The following RNASEH2B variants were observed in gnomAD, a reference collection of about 807,000 sequenced individuals.
RNASEH2B encodes ribonuclease H2 subunit B.
RNASEH2B carries 36 observed loss-of-function variants against 45.0 expected under a neutral mutation model. The observed-to-expected ratio is 0.80, with a 90% CI of 0.61 to 1.06. The LOEUF (loss-of-function observed/expected upper bound fraction) is 1.06. RNASEH2B is among the 50% of genes least tolerant of loss of function. The pLI is 0.00. For synonymous variants in RNASEH2B, 119 were observed against 125.7 expected (o/e 0.95, Z 0.35); for missense variants, 361 against 360.3 (o/e 1.00, Z -0.02).
intron 9 of RNASEH2B, among the ~76,000 whole-genome samples, chr13:50,964,512 T>C (rs1371578215): frequency 6.6e-6 from 1 of 152,108 alleles, no homozygotes; most frequent in East Asian, 1.9e-4. Context: ...GCTCAAAAGA[T>C]GAGAGGAGGA....
At chr13:50,963,758 C>G (rs1350720193) in intron 9 of RNASEH2B, among the ~76,000 whole-genome samples, 1 of 152,192 alleles carries the variant, frequency 6.6e-6, no homozygotes, top group African/African-American at 2.4e-5. Context: ...TATTAGCATA[C>G]ATGACCATAC....
At position 50,909,859 on chromosome 13, in the gene RNASEH2B, A is replaced by G. The variant is rs1048488617; in HGVS notation, c.-218A>G. ...CCTGCGGCCACCGGCCGGCATTCAG[A>G]GCCCCTCGCCTGGCGCTAAATTTAA... On this transcript the variant is annotated 5_prime_UTR_variant, in exon 1 of 11. Coordinates refer to ENST00000336617, the MANE Select transcript of RNASEH2B (RefSeq NM_024570.4). The G allele has an allele frequency of 1.4e-4, 60 of 425,058 alleles. No homozygotes were observed. Among genetic ancestry groups the G allele is most frequent in the African/African-American group, 1.0e-3 (49 of 48,188 alleles). 26.3% of individuals were successfully genotyped at this position (425,058 alleles called of 1,614,324 possible). A position where few individuals can be genotyped will look rare whatever the true frequency, so the allele number is the denominator to read the frequency against.
chr13:50,917,888 G>A (rs973823553), intron 1 of RNASEH2B, among the ~76,000 whole-genome samples: 1 of 152,136 alleles, frequency 6.6e-6, no homozygotes, highest in African/African-American at 2.4e-5. Context: ...CCCCAATCAG[G>A]TCTGTCTTTT....
intron 6 of RNASEH2B, among the ~76,000 whole-genome samples, chr13:50,945,120 G>A (rs1201337822): frequency 2.0e-5 from 3 of 152,098 alleles, no homozygotes; most frequent in Admixed American, 6.6e-5. Context: ...GTAACTAGCC[G>A]TGGTTACAGA....
chr13:50,950,205 G>A (rs1195846246), intron 9 of RNASEH2B: 1 of 152,298 alleles, frequency 6.6e-6, no homozygotes, highest in Non-Finnish European at 1.5e-5. Flanking sequence ...CAGCTTGTCA[G>A]TGAGGTCATT....
At chr13:50,945,078 C>T (rs1485751698) in intron 6 of RNASEH2B, among the ~76,000 whole-genome samples, 1 of 152,088 alleles carries the variant, frequency 6.6e-6, no homozygotes, top group East Asian at 1.9e-4. Context: ...TTTTTTTCCC[C>T]CATTTCACAG....
downstream of RNASEH2B, among the ~76,000 whole-genome samples, chr13:50,961,589 T>C (rs1343619538): frequency 6.6e-6 from 1 of 152,184 alleles, no homozygotes; most frequent in Non-Finnish European, 1.5e-5. Flanking sequence ...GTGCAAGCCC[T>C]GAATCCACCT....
Position 50,945,498 on chromosome 13 carries a change from T to C in RNASEH2B, c.582T>C (p.Phe194=), listed in dbSNP as rs1260592421. ...NVSSRVQSTA[F]FSGDQASTDK... ...GTTCCCGGGTACAGTCAACTGCATT[T>C]TTCTCTGGTGACCAAGCTTCCACTG... Residue 194 remains phenylalanine, a synonymous_variant, in exon 7 of 11, where the codon TTT becomes TTC. Coordinates refer to ENST00000336617, the MANE Select transcript of RNASEH2B (RefSeq NM_024570.4). 1 of 1,613,556 alleles carries C rather than the reference T, an allele frequency of 6.2e-7. No homozygotes were observed. The highest frequency in any genetic ancestry group is 2.2e-5 in the East Asian group (1 of 44,876).
chr13:50,967,457 A>C (rs1357000153), intron 9 of RNASEH2B, among the ~76,000 whole-genome samples: 1 of 152,232 alleles, frequency 6.6e-6, no homozygotes, highest in Non-Finnish European at 1.5e-5. Flanking sequence ...TTTGACATGA[A>C]TTTATGTGTT....
At chr13:50,940,244 T>C (rs894304913) in intron 5 of RNASEH2B, among the ~76,000 whole-genome samples, 2 of 152,216 alleles carry the variant, frequency 1.3e-5, no homozygotes, top group African/African-American at 4.8e-5. Context: ...TGGTGACCTG[T>C]GATCTGGGTA....
intron 7 of RNASEH2B, 85 bp downstream of exon 7, chr13:50,945,617 T>A: frequency 1.1e-6 from 1 of 887,862 alleles, no homozygotes; most frequent in Non-Finnish European, 1.9e-6. Context: ...TTAAAAATCT[T>A]AATATCACAG....
intron 9 of RNASEH2B, among the ~76,000 whole-genome samples, chr13:50,963,960 G>C (rs1242066920): frequency 6.6e-6 from 1 of 152,212 alleles, no homozygotes; most frequent in Non-Finnish European, 1.5e-5. Flanking sequence ...CACTTTGGGA[G>C]GCCAGGGCGG....
intron 1 of RNASEH2B, among the ~76,000 whole-genome samples, chr13:50,926,975 A>G (rs1179840561): frequency 6.6e-6 from 1 of 152,174 alleles, no homozygotes; most frequent in Non-Finnish European, 1.5e-5. Context: ...AATAATAGCT[A>G]TCATTTATTT....
At chr13:50,963,436 T>C (rs944078040) in intron 9 of RNASEH2B, among the ~76,000 whole-genome samples, 1 of 152,186 alleles carries the variant, frequency 6.6e-6, no homozygotes, top group African/African-American at 2.4e-5. Flanking sequence ...AGTGCTGGGA[T>C]TACAGGCCTG....
chr13:50,926,018 A>G (rs1199433023), intron 1 of RNASEH2B, among the ~76,000 whole-genome samples: 4 of 152,092 alleles, frequency 2.6e-5, no homozygotes, highest in Non-Finnish European at 1.5e-5. Flanking sequence ...ACGGTCCTGC[A>G]TGGCTTGTGT....
upstream of RNASEH2B, chr13:50,909,753 G>A: frequency 4.1e-6 from 1 of 245,156 alleles, no homozygotes; most frequent in East Asian, 8.3e-5. Context: ...CCCGCTCCGC[G>A]TCACTCGGCG....
chr13:50,912,252 T>G (rs1355066114), intron 1 of RNASEH2B: 1 of 152,274 alleles, frequency 6.6e-6, no homozygotes, highest in Non-Finnish European at 1.5e-5. Context: ...TGACAGCGAC[T>G]GCAGTGCAAC....
At chr13:50,914,131 A>G (rs1025667411) in intron 1 of RNASEH2B, among the ~76,000 whole-genome samples, 1 of 152,030 alleles carries the variant, frequency 6.6e-6, no homozygotes, top group Non-Finnish European at 1.5e-5. Flanking sequence ...GGGGGAGGAA[A>G]AAAAGTAAAG....
chr13:50,947,263 T>C (rs1407423864), intron 7 of RNASEH2B, among the ~76,000 whole-genome samples: 1 of 152,156 alleles, frequency 6.6e-6, no homozygotes, highest in Non-Finnish European at 1.5e-5. Flanking sequence ...TCTTCTTATG[T>C]AACTGTATTT....
Sources: allele counts gnomAD v4.1 joint callset (sites outside exome capture counted in the v4.1 genomes callset), GRCh38; gene constraint gnomAD v4.1.1; transcripts MANE v1.5; gene names NCBI Gene and HGNC (gene_info 2026-07-23, HGNC 2026-07-21).